GMDS: variants seen among roughly 807,000 people sequenced by gnomAD.
GMDS encodes the protein GDP-mannose 4,6 dehydratase.
GMDS carries 20 observed loss-of-function variants against 49.9 expected under a neutral mutation model. That is an observed-to-expected ratio of 0.40 (90% CI 0.28 to 0.58). The LOEUF (loss-of-function observed/expected upper bound fraction) is 0.58. GMDS is among the 20% of genes least tolerant of loss of function. The probability of loss-of-function intolerance (pLI) is 0.42; values close to 1 mark genes in which losing one functional copy is unlikely to be tolerated. For missense variants in GMDS, 362 were observed against 481.4 expected (o/e 0.75, Z 2.32); for synonymous variants, 177 against 178.6 (o/e 0.99, Z 0.07).
At chr6:1,915,726 T>C (rs1435662737) in intron 7 of GMDS, among the ~76,000 whole-genome samples, 1 of 152,204 alleles carries the variant, frequency 6.6e-6, no homozygotes, top group African/African-American at 2.4e-5. Flanking sequence ...CAAGCCTCTC[T>C]CTCTATGCCT....
At chr6:2,066,314 T>C (rs1771587350) in intron 4 of GMDS, among the ~76,000 whole-genome samples, 2 of 145,896 alleles carry the variant, frequency 1.4e-5, no homozygotes, top group Non-Finnish European at 3.0e-5. Context: ...TGCAAAATCA[T>C]GCCAAAATGT....
intron 7 of GMDS, among the ~76,000 whole-genome samples, chr6:1,775,951 TG>T (rs35900573): frequency 1.3e-5 from 2 of 152,236 alleles, no homozygotes; most frequent in East Asian, 3.9e-4. Context: ...AAAAGGGAGA[TG>T]GGAGGTATGT....
At chr6:2,203,163 C>G (rs1779628254) in intron 1 of GMDS, among the ~76,000 whole-genome samples, 1 of 152,002 alleles carries the variant, frequency 6.6e-6, no homozygotes, top group South Asian at 2.1e-4. Flanking sequence ...AAGGCCGATG[C>G]TTATGTACTG....
intron 1 of GMDS, among the ~76,000 whole-genome samples, chr6:2,160,084 T>A (rs573271042): frequency 1.3e-5 from 2 of 152,326 alleles, no homozygotes; most frequent in East Asian, 3.8e-4. Flanking sequence ...CTATGAACAA[T>A]TTAAGCCTAA....
rs183313697 is a variant in GMDS at position 1,761,373 on chromosome 6, G to A, written c.772-18787C>T. Among the ~76,000 whole-genome samples the A allele has an allele frequency of 3.2e-3, 485 of 152,278 alleles. 8 individuals carry two copies. Among genetic ancestry groups the A allele is most frequent in the Admixed American group, 0.027 (410 of 15,304 alleles). ...CCAAAAGATAATTTAAAAAATCTGT[G>A]AGAAACTTAAATTATCAGGTACTGA... On this transcript the variant is annotated intron_variant, in intron 7 of 10. Coordinates refer to ENST00000380815, the MANE Select transcript of GMDS (RefSeq NM_001500.4).
At chr6:1,666,455 G>A (rs1358783180) in intron 9 of GMDS, among the ~76,000 whole-genome samples, 1 of 152,124 alleles carries the variant, frequency 6.6e-6, no homozygotes, top group African/African-American at 2.4e-5. Context: ...GTTACACCAG[G>A]GAGGTAAATC....
At chr6:1,696,289 C>T (rs74339658) in intron 9 of GMDS, among the ~76,000 whole-genome samples, 173 of 152,364 alleles carry the variant, frequency 1.1e-3, no homozygotes, top group Middle Eastern at 6.8e-3. Flanking sequence ...TCCCGAAGAG[C>T]GCAGTCCTCC....
intron 4 of GMDS, among the ~76,000 whole-genome samples, chr6:2,055,912 T>C (rs1770750031): frequency 6.6e-6 from 1 of 152,170 alleles, no homozygotes; most frequent in Admixed American, 6.5e-5. Context: ...CAATACTCGC[T>C]TGAAATTAAT....
chr6:1,889,300 T>G (rs1759762954), intron 7 of GMDS, among the ~76,000 whole-genome samples: 1 of 152,206 alleles, frequency 6.6e-6, no homozygotes, highest in South Asian at 2.1e-4. Flanking sequence ...CCTTTGTGAC[T>G]GCCCATTCTG....
intron 4 of GMDS, among the ~76,000 whole-genome samples, chr6:1,978,286 T>C (rs939039849): frequency 2.0e-5 from 3 of 152,100 alleles, no homozygotes; most frequent in African/African-American, 7.2e-5. Context: ...GGGACCTACC[T>C]GGTGGGCCCA....
At chr6:1,815,366 A>T (rs1770612699) in intron 7 of GMDS, among the ~76,000 whole-genome samples, 1 of 152,240 alleles carries the variant, frequency 6.6e-6, no homozygotes, top group Admixed American at 6.5e-5. Context: ...GTACTTCTGG[A>T]GAAAAATAGT....
At chr6:2,033,323 C>G (rs1769085545) in intron 4 of GMDS, among the ~76,000 whole-genome samples, 1 of 152,160 alleles carries the variant, frequency 6.6e-6, no homozygotes, top group Non-Finnish European at 1.5e-5. Flanking sequence ...TTATACTGCT[C>G]TTAAATTAAA....
intron 9 of GMDS, among the ~76,000 whole-genome samples, chr6:1,706,049 G>A (rs891815563): frequency 6.6e-6 from 1 of 152,190 alleles, no homozygotes; most frequent in Non-Finnish European, 1.5e-5. Flanking sequence ...CCTGGAAGTT[G>A]GAACTAATAT....
At chr6:2,033,754 T>G (rs1009298774) in intron 4 of GMDS, among the ~76,000 whole-genome samples, 5 of 152,150 alleles carry the variant, frequency 3.3e-5, no homozygotes, top group African/African-American at 1.2e-4. Flanking sequence ...GCACAAAGAA[T>G]CACTGGAGGT....
At chr6:1,679,402 AT>A (rs1472887170) in intron 9 of GMDS, 1 of 152,230 alleles carries the variant, frequency 6.6e-6, no homozygotes, top group African/African-American at 2.4e-5. Flanking sequence ...TCCTTAAATA[AT>A]TTAGGTCAGC....
intron 2 of GMDS, 119 bp from the exon 3 acceptor site, chr6:2,117,675 A>G: frequency 1.5e-6 from 1 of 664,046 alleles, no homozygotes; most frequent in South Asian, 1.7e-5. Flanking sequence ...ATTATTAGAA[A>G]TAGTCCCACT....
At position 2,117,576 on chromosome 6, in the gene GMDS, A is replaced by G; in HGVS notation, c.148-20T>C. 2 of 1,356,706 alleles carry G rather than the reference A, an allele frequency of 1.5e-6. No homozygotes were observed. Among genetic ancestry groups the G allele is most frequent in the Non-Finnish European group, 2.1e-6 (2 of 945,278 alleles). The allele number at this position is 1,356,706 out of a possible 1,614,324, so 84.0% of individuals were successfully genotyped here. A position where few individuals can be genotyped will look rare whatever the true frequency, so the allele number is the denominator to read the frequency against. ...ATGGACCTGAGTTTTTACAGTGTGG[A>G]AAGATAAATGTGCAATGAGGACTAA... On this transcript the variant is annotated intron_variant, in intron 2 of 10. Transcript: ENST00000380815.
rs182001302 is a variant in GMDS at position 2,019,575 on chromosome 6, A to G, written c.346-58609T>C. ...AGTGATTCTCCTGCCTCAGCCTCCG[A>G]AGTAGTTGGGATTACAGGCACCCAC... On this transcript the variant is annotated intron_variant, in intron 4 of 10. Transcript: ENST00000380815. Among the ~76,000 whole-genome samples the G allele has an allele frequency of 7.2e-5, 11 of 152,058 alleles. No homozygotes were observed. In the East Asian group the frequency reaches 1.9e-3, roughly 27 times the overall value.
chr6:1,936,837 C>A (rs748320786), intron 6 of GMDS, among the ~76,000 whole-genome samples: 1 of 151,754 alleles, frequency 6.6e-6, no homozygotes, highest in African/African-American at 2.4e-5. Context: ...TGTGGTGGTG[C>A]GAGCATATAA....
Sources: allele counts gnomAD v4.1 joint callset (sites outside exome capture counted in the v4.1 genomes callset), GRCh38; gene constraint gnomAD v4.1.1; transcripts MANE v1.5; gene names NCBI Gene and HGNC (gene_info 2026-07-23, HGNC 2026-07-21).